The following ZDHHC2 variants were observed in gnomAD, a reference collection of about 807,000 sequenced individuals.
The protein encoded by ZDHHC2 is palmitoyltransferase ZDHHC2.
In ZDHHC2, 51 loss-of-function variants were observed where a neutral mutation model predicts 55.6. The observed-to-expected ratio is 0.92, with a 90% CI of 0.73 to 1.16. ZDHHC2 has a LOEUF of 1.16. ZDHHC2 is among the 50% of genes most tolerant of loss of function. The pLI is 0.00. For synonymous variants in ZDHHC2, 199 were observed against 152.9 expected (o/e 1.30, Z -2.22); for missense variants, 491 against 442.4 (o/e 1.11, Z -0.99).
chr8:17,162,326 G>A (rs1458334986), intron 1 of ZDHHC2, among the ~76,000 whole-genome samples: 1 of 152,214 alleles, frequency 6.6e-6, no homozygotes, highest in East Asian at 1.9e-4. Flanking sequence ...ATTGTATAAT[G>A]CAAATAAGTG....
chr8:17,201,161 C>T (rs1222059618), intron 6 of ZDHHC2, among the ~76,000 whole-genome samples: 1 of 152,168 alleles, frequency 6.6e-6, no homozygotes, highest in Non-Finnish European at 1.5e-5. Context: ...TTCCCAGTCC[C>T]TCTCCCCACC....
intron 6 of ZDHHC2, among the ~76,000 whole-genome samples, chr8:17,199,785 A>T (rs540391741): frequency 7.5e-6 from 1 of 132,586 alleles, no homozygotes; most frequent in African/African-American, 2.9e-5. Flanking sequence ...TTTGAGACAG[A>T]GTCTCGCTCT....
At chr8:17,160,459 T>C (rs1804282157) in intron 1 of ZDHHC2, among the ~76,000 whole-genome samples, 1 of 152,240 alleles carries the variant, frequency 6.6e-6, no homozygotes, top group African/African-American at 2.4e-5. Context: ...ACCCCTTCTG[T>C]ATTTTTAAAC....
At chr8:17,196,227 A>C (rs540744378) in intron 4 of ZDHHC2, among the ~76,000 whole-genome samples, 1 of 152,238 alleles carries the variant, frequency 6.6e-6, no homozygotes, top group South Asian at 2.1e-4. Flanking sequence ...TTACCCACCA[A>C]GACTTGCCCA....
chr8:17,200,519 TTAA>T (rs1806702322), intron 6 of ZDHHC2, among the ~76,000 whole-genome samples: 1 of 152,180 alleles, frequency 6.6e-6, no homozygotes, highest in Non-Finnish European at 1.5e-5. Flanking sequence ...TTGTCTGACC[TTAA>T]TAAGGGATTG....
At chr8:17,199,521 G>GTCTTCA (rs574618918) in intron 6 of ZDHHC2, among the ~76,000 whole-genome samples, 6 of 35,622 alleles carry the variant, frequency 1.7e-4, no homozygotes, top group Admixed American at 7.2e-4. Flanking sequence ...CTTCGTCTTC[G>GTCTTCA]TCTTCGTCTT....
chr8:17,174,431 G>T (rs1350808267), intron 1 of ZDHHC2, among the ~76,000 whole-genome samples: 1 of 152,152 alleles, frequency 6.6e-6, no homozygotes, highest in African/African-American at 2.4e-5. Flanking sequence ...AGCCCAGCAG[G>T]TAAGGGAGGA....
At chr8:17,194,976 T>G (rs1288351072) in intron 3 of ZDHHC2, among the ~76,000 whole-genome samples, 1 of 152,136 alleles carries the variant, frequency 6.6e-6, no homozygotes, top group Non-Finnish European at 1.5e-5. Flanking sequence ...TATTTTAAAA[T>G]TAGCTGGGCA....
Position 17,199,576 on chromosome 8 carries a change from C to A in ZDHHC2, c.476+1163C>A. ...TCGTCTTCGTCTTCTTCGTCTTTGTCTTCTTCTTCTTCTTTCTTCTTCTTT... is the reference window on the plus strand; with the variant it reads ...TCGTCTTCGTCTTCTTCGTCTTTGTATTCTTCTTCTTCTTTCTTCTTCTTT... On this transcript the variant is annotated intron_variant, in intron 6 of 12. Transcript: ENST00000262096. Among the ~76,000 whole-genome samples, 3 of 38,276 alleles carry A rather than the reference C, an allele frequency of 7.8e-5. 1 individual carries two copies. The highest frequency in any genetic ancestry group is 3.1e-4 in the Non-Finnish European group (3 of 9,714). The allele number at this position is 38,276 out of a possible 152,430, so 25.1% of individuals were successfully genotyped here. A position where few individuals can be genotyped will look rare whatever the true frequency, so the allele number is the denominator to read the frequency against.
intron 3 of ZDHHC2, among the ~76,000 whole-genome samples, chr8:17,186,812 G>C (rs1011958301): frequency 2.0e-5 from 3 of 152,226 alleles, no homozygotes; most frequent in Admixed American, 2.0e-4. Flanking sequence ...CAAAATAATG[G>C]CTTAGCTAAT....
chr8:17,184,106 A>G (rs1805577278), intron 1 of ZDHHC2, among the ~76,000 whole-genome samples: 1 of 152,206 alleles, frequency 6.6e-6, no homozygotes, highest in Non-Finnish European at 1.5e-5. Context: ...TGGGAAAACA[A>G]ATAGACAATA....
intron 1 of ZDHHC2, among the ~76,000 whole-genome samples, chr8:17,172,205 C>G (rs576135668): frequency 4.7e-4 from 72 of 152,340 alleles, no homozygotes; most frequent in African/African-American, 1.7e-3. Flanking sequence ...TAACTAGACC[C>G]TGCCTCCCCT....
chr8:17,160,403 T>A (rs137890748), intron 1 of ZDHHC2, among the ~76,000 whole-genome samples: 1 of 152,344 alleles, frequency 6.6e-6, no homozygotes, highest in East Asian at 1.9e-4. Context: ...GTTACGTCAT[T>A]TTAAACGATC....
chr8:17,206,871 A>G (rs775186373), intron 7 of ZDHHC2, among the ~76,000 whole-genome samples: 29 of 152,206 alleles, frequency 1.9e-4, no homozygotes, highest in Non-Finnish European at 3.2e-4. Context: ...TTTGAACCAA[A>G]TTTAATACCA....
At chr8:17,161,730 G>A (rs1006525456) in intron 1 of ZDHHC2, among the ~76,000 whole-genome samples, 3 of 152,170 alleles carry the variant, frequency 2.0e-5, no homozygotes, top group Non-Finnish European at 2.9e-5. Flanking sequence ...GTGGTGGTGC[G>A]TGCCTGTAGT....
intron 8 of ZDHHC2, among the ~76,000 whole-genome samples, chr8:17,209,613 TTATC>T (rs1259831685): frequency 6.6e-6 from 1 of 152,198 alleles, no homozygotes; most frequent in Admixed American, 6.5e-5. Context: ...ATCCATCCAT[TTATC>T]TATCTATTGA....
intron 3 of ZDHHC2, among the ~76,000 whole-genome samples, chr8:17,193,458 A>C (rs1806140393): frequency 6.6e-6 from 1 of 152,206 alleles, no homozygotes; most frequent in South Asian, 2.1e-4. Context: ...TGTGGCCAAC[A>C]CCACTGGGAC....
At position 17,184,892 on chromosome 8, in the gene ZDHHC2, GA is replaced by G. The variant is rs1229577584; in HGVS notation, c.157+78del. 6.1e-6 allele frequency: 8 copies of G among 1,308,936 alleles called. No homozygotes were observed. The African/African-American group carries it at 1.2e-4, about 20-fold the overall frequency. The allele number at this position is 1,308,936 out of a possible 1,614,324, so 81.1% of individuals were successfully genotyped here. A position where few individuals can be genotyped will look rare whatever the true frequency, so the allele number is the denominator to read the frequency against. On this transcript the variant is annotated intron_variant, in intron 2 of 12. Transcript: ENST00000262096. ...ATTGTATTCACTTAGATTTGGTTGG[GA>G]TTAATAAATTGTTGTTTGAGAATGT...
chr8:17,193,396 C>T (rs954662356), intron 3 of ZDHHC2, among the ~76,000 whole-genome samples: 14 of 152,240 alleles, frequency 9.2e-5, no homozygotes, highest in African/African-American at 3.4e-4. Context: ...CAGAGCCTCT[C>T]TCTCTCTCTG....
Sources: allele counts gnomAD v4.1 joint callset (sites outside exome capture counted in the v4.1 genomes callset), GRCh38; gene constraint gnomAD v4.1.1; transcripts MANE v1.5; gene names NCBI Gene and HGNC (gene_info 2026-07-23, HGNC 2026-07-21).